RBMS3: variants seen among roughly 807,000 people sequenced by gnomAD.
RBMS3 encodes RNA-binding motif, single-stranded-interacting protein 3.
RBMS3 carries 27 observed loss-of-function variants against 66.8 expected under a neutral mutation model. The ratio of observed to expected loss-of-function variants is 0.40; its 90% CI spans 0.30 to 0.56. The LOEUF (loss-of-function observed/expected upper bound fraction) is 0.56, where lower values mean the gene tolerates loss of function less well. Among genes scored for constraint, RBMS3 ranks in the 20% least tolerant of loss-of-function variants. The pLI, the probability that RBMS3 is intolerant of heterozygous loss-of-function variation, is 0.40. For synonymous variants in RBMS3, 188 were observed against 183.0 expected (o/e 1.03, Z -0.22); for missense variants, 513 against 549.5 (o/e 0.93, Z 0.66).
chr3:29,521,774 G>A (rs978184905), intron 3 of RBMS3, among the ~76,000 whole-genome samples: 1 of 152,154 alleles, frequency 6.6e-6, no homozygotes, highest in Non-Finnish European at 1.5e-5. Context: ...AGCAGCGAAG[G>A]CATCACTTGC....
chr3:29,604,932 A>G (rs553517333), intron 4 of RBMS3, among the ~76,000 whole-genome samples: 1 of 151,956 alleles, frequency 6.6e-6, no homozygotes, highest in South Asian at 2.1e-4. Flanking sequence ...GTGCTTTGAG[A>G]TATCTTTTGG....
chr3:29,391,076 A>G (rs2039272920), intron 1 of RBMS3: 1 of 323,004 alleles, frequency 3.1e-6, no homozygotes, highest in Non-Finnish European at 6.9e-6. Context: ...AACCTAATTA[A>G]GACTGATGAC....
chr3:29,860,854 G>A (rs144508638), intron 6 of RBMS3, among the ~76,000 whole-genome samples: 3 of 152,226 alleles, frequency 2.0e-5, no homozygotes, highest in African/African-American at 7.2e-5. Context: ...GTTTAGGAAG[G>A]AGGTTTCATT....
At chr3:29,665,764 A>C (rs2050726725) in intron 4 of RBMS3, among the ~76,000 whole-genome samples, 1 of 152,182 alleles carries the variant, frequency 6.6e-6, no homozygotes, top group Non-Finnish European at 1.5e-5. Context: ...CAGAGCAAAA[A>C]AATTAATTAA....
chr3:29,372,654 A>G (rs1367377230), intron 1 of RBMS3, among the ~76,000 whole-genome samples: 3 of 151,958 alleles, frequency 2.0e-5, no homozygotes, highest in Non-Finnish European at 4.4e-5. Flanking sequence ...CTCTCTCTCA[A>G]TTTTACTGTT....
At chr3:29,982,771 TGA>T (rs1418659895) in intron 12 of RBMS3, among the ~76,000 whole-genome samples, 1 of 152,228 alleles carries the variant, frequency 6.6e-6, no homozygotes, top group African/African-American at 2.4e-5. Flanking sequence ...CACTGTGGTC[TGA>T]GAGACTGTTT....
chr3:29,881,399 C>G (rs906668627), intron 7 of RBMS3, among the ~76,000 whole-genome samples: 3 of 152,124 alleles, frequency 2.0e-5, no homozygotes, highest in Admixed American at 2.0e-4. Flanking sequence ...AACGTAATCT[C>G]TTTTAAATTT....
chr3:29,397,714 C>T (rs1475266604), intron 1 of RBMS3, among the ~76,000 whole-genome samples: 1 of 152,064 alleles, frequency 6.6e-6, no homozygotes, highest in Non-Finnish European at 1.5e-5. Context: ...CTGTTCTAAA[C>T]TCCTTTCCAT....
At chr3:29,599,793 G>A (rs893735101) in intron 4 of RBMS3, among the ~76,000 whole-genome samples, 4 of 152,100 alleles carry the variant, frequency 2.6e-5, no homozygotes, top group African/African-American at 4.8e-5. Context: ...GATTATGGAA[G>A]ATATGATCAC....
chr3:29,582,215 G>GT (rs1157928520), intron 3 of RBMS3, among the ~76,000 whole-genome samples: 3 of 151,504 alleles, frequency 2.0e-5, no homozygotes, highest in African/African-American at 4.8e-5. Flanking sequence ...CATACATACA[G>GT]TTTTTTCTCT....
intron 3 of RBMS3, among the ~76,000 whole-genome samples, chr3:29,580,524 T>C (rs1368784157): frequency 6.6e-6 from 1 of 152,096 alleles, no homozygotes; most frequent in Non-Finnish European, 1.5e-5. Context: ...TGTGTCTATA[T>C]GCCATTTAAA....
At chr3:29,706,251 C>A (rs534432944) in intron 4 of RBMS3, among the ~76,000 whole-genome samples, 1 of 152,178 alleles carries the variant, frequency 6.6e-6, no homozygotes, top group Non-Finnish European at 1.5e-5. Flanking sequence ...TAATTACTTG[C>A]TTTCTATAGA....
intron 4 of RBMS3, among the ~76,000 whole-genome samples, chr3:29,736,856 G>A (rs868630524): frequency 1.3e-5 from 2 of 152,170 alleles, no homozygotes; most frequent in East Asian, 3.9e-4. Flanking sequence ...AGTGAAGCGG[G>A]AGCACCAAAG....
chr3:29,854,525 C>T (rs1441849470), intron 6 of RBMS3, among the ~76,000 whole-genome samples: 1 of 152,114 alleles, frequency 6.6e-6, no homozygotes. Flanking sequence ...AGGATATGTC[C>T]GTTACTAAAT....
intron 1 of RBMS3, among the ~76,000 whole-genome samples, chr3:29,286,391 A>G (rs1248274001): frequency 2.6e-5 from 4 of 151,994 alleles, no homozygotes; most frequent in African/African-American, 9.7e-5. Flanking sequence ...TGATATAGAC[A>G]TTGTTTTTGC....
At chr3:29,607,122 C>A (rs897310096) in intron 4 of RBMS3, among the ~76,000 whole-genome samples, 1 of 151,816 alleles carries the variant, frequency 6.6e-6, no homozygotes, top group Non-Finnish European at 1.5e-5. Flanking sequence ...GTATTGGGTA[C>A]ATTTTAAATA....
intron 5 of RBMS3, among the ~76,000 whole-genome samples, chr3:29,742,401 C>T (rs2054687972): frequency 6.6e-6 from 1 of 152,174 alleles, no homozygotes; most frequent in African/African-American, 2.4e-5. Context: ...GCCAACCTCT[C>T]CAGCATCATT....
intron 4 of RBMS3, among the ~76,000 whole-genome samples, chr3:29,644,641 C>T (rs956756831): frequency 6.6e-6 from 1 of 152,134 alleles, no homozygotes; most frequent in African/African-American, 2.4e-5. Flanking sequence ...TACAAACAAA[C>T]CCTAGTTTTG....
chr3:29,950,193 G>T (rs574402317), intron 12 of RBMS3, among the ~76,000 whole-genome samples: 1 of 151,786 alleles, frequency 6.6e-6, no homozygotes, highest in South Asian at 2.1e-4. Flanking sequence ...ACCCTCTGTG[G>T]CAAGGACAGA....
Sources: allele counts gnomAD v4.1 joint callset (sites outside exome capture counted in the v4.1 genomes callset), GRCh38; gene constraint gnomAD v4.1.1; transcripts MANE v1.5; gene names NCBI Gene and HGNC (gene_info 2026-07-23, HGNC 2026-07-21).